The following NSRP1 variants were observed in gnomAD, a reference collection of about 807,000 sequenced individuals.
NSRP1 encodes the protein coiled-coil domain containing 55.
In NSRP1, 24 loss-of-function variants were observed where a neutral mutation model predicts 54.7. The ratio of observed to expected loss-of-function variants is 0.44; its 90% confidence interval spans 0.32 to 0.62. The LOEUF is 0.62. Among genes scored for constraint, NSRP1 ranks in the 20% least tolerant of loss-of-function variants. The probability of loss-of-function intolerance (pLI) is 0.06; values close to 1 mark genes in which losing one functional copy is unlikely to be tolerated. For missense variants in NSRP1, 596 were observed against 651.2 expected (o/e 0.92, Z 0.92); for synonymous variants, 210 against 213.8 (o/e 0.98, Z 0.15).
chr17:30,181,391 CT>C (rs1306034190), intron 6 of NSRP1, among the ~76,000 whole-genome samples: 5 of 130,512 alleles, frequency 3.8e-5, no homozygotes, highest in Non-Finnish European at 6.3e-5. Context: ...GTAGTTTTTT[CT>C]TTTTTCTTTT....
At chr17:30,181,317 T>G (rs1905284136) in intron 6 of NSRP1, among the ~76,000 whole-genome samples, 1 of 152,146 alleles carries the variant, frequency 6.6e-6, no homozygotes, top group South Asian at 2.1e-4. Flanking sequence ...TTTCTGAATT[T>G]TTAAGTGATT....
At chr17:30,182,988 T>C in intron 6 of NSRP1, among the ~76,000 whole-genome samples, 1 of 151,980 alleles carries the variant, frequency 6.6e-6, no homozygotes. Context: ...ATTTAAAGTT[T>C]TGATCACAGC....
chr17:30,165,426 T>G (rs1213662466), intron 2 of NSRP1, among the ~76,000 whole-genome samples: 1 of 152,102 alleles, frequency 6.6e-6, no homozygotes, highest in African/African-American at 2.4e-5. Context: ...TTGGGAGAGG[T>G]TAGGTAAAGG....
chr17:30,174,170 A>C (rs549792002), intron 3 of NSRP1, among the ~76,000 whole-genome samples: 1 of 152,036 alleles, frequency 6.6e-6, no homozygotes, highest in Admixed American at 6.6e-5. Flanking sequence ...TTTTTTCTTC[A>C]CTTAAAGCAT....
chr17:30,150,749 G>T (rs1351175720), intron 2 of NSRP1: 1 of 140,744 alleles, frequency 7.1e-6, no homozygotes, highest in Non-Finnish European at 1.5e-5. Context: ...GTTCAATGGC[G>T]CGATCTCGGT....
At chr17:30,124,767 G>A (rs2071635698) in intron 2 of NSRP1, among the ~76,000 whole-genome samples, 1 of 152,162 alleles carries the variant, frequency 6.6e-6, no homozygotes, top group Admixed American at 6.6e-5. Context: ...AATGGACAAG[G>A]GAGCTGCAGC....
intron 2 of NSRP1, among the ~76,000 whole-genome samples, chr17:30,170,754 A>T (rs1393187689): frequency 6.6e-6 from 1 of 152,138 alleles, no homozygotes; most frequent in Admixed American, 6.5e-5. Context: ...GAGTGAAGCT[A>T]CCTTTACCAG....
At chr17:30,164,249 T>G (rs1314770272) in intron 2 of NSRP1, among the ~76,000 whole-genome samples, 2 of 152,212 alleles carry the variant, frequency 1.3e-5, no homozygotes, top group South Asian at 4.1e-4. Context: ...CATATTAGGC[T>G]GTCAGCATGT....
chr17:30,172,134 A>G (rs576858279), intron 2 of NSRP1, among the ~76,000 whole-genome samples: 9 of 152,248 alleles, frequency 5.9e-5, no homozygotes, highest in African/African-American at 2.2e-4. Context: ...CTGATACCTT[A>G]TAATCTATTC....
chr17:30,180,234 G>A (rs1042142683), intron 5 of NSRP1, among the ~76,000 whole-genome samples: 5 of 152,202 alleles, frequency 3.3e-5, no homozygotes, highest in Non-Finnish European at 7.3e-5. Flanking sequence ...TTGGCTCACT[G>A]CAACCTCTGC....
chr17:30,158,585 T>A (rs1904399849), intron 2 of NSRP1, among the ~76,000 whole-genome samples: 1 of 152,184 alleles, frequency 6.6e-6, no homozygotes, highest in Admixed American at 6.5e-5. Context: ...TCTAGTAGTT[T>A]TATAGTTTGG....
intron 2 of NSRP1, among the ~76,000 whole-genome samples, chr17:30,124,777 C>G (rs1441903067): frequency 1.3e-5 from 2 of 152,156 alleles, no homozygotes; most frequent in Non-Finnish European, 2.9e-5. Context: ...GGAGCTGCAG[C>G]TTATTTCTTA....
chr17:30,177,767 A>C (rs1905175932), intron 3 of NSRP1, among the ~76,000 whole-genome samples: 2 of 152,296 alleles, frequency 1.3e-5, no homozygotes, highest in South Asian at 4.1e-4. Flanking sequence ...CTCTGTTTTA[A>C]GTTTAGTCAT....
intron 2 of NSRP1, among the ~76,000 whole-genome samples, chr17:30,171,932 T>TCACACA (rs1491377647): frequency 5.4e-5 from 5 of 92,156 alleles, no homozygotes; most frequent in African/African-American, 1.7e-4. Context: ...TTTCCCCATT[T>TCACACA]CTCACACACA....
At chr17:30,124,599 A>T (rs2071634227) in intron 2 of NSRP1, among the ~76,000 whole-genome samples, 1 of 152,248 alleles carries the variant, frequency 6.6e-6, no homozygotes, top group South Asian at 2.1e-4. Flanking sequence ...AGCAGTAAGA[A>T]GCAAGTAGTG....
chr17:30,168,465 G>T (rs1189235438), intron 2 of NSRP1, among the ~76,000 whole-genome samples: 1 of 151,388 alleles, frequency 6.6e-6, no homozygotes, highest in Non-Finnish European at 1.5e-5. Context: ...CACAGAATAG[G>T]CCACAATACA....
intron 2 of NSRP1, among the ~76,000 whole-genome samples, chr17:30,167,088 T>C (rs1904758013): frequency 6.6e-6 from 1 of 152,184 alleles, no homozygotes; most frequent in South Asian, 2.1e-4. Flanking sequence ...TCTACCTCCA[T>C]GTGATCAAAG....
At chr17:30,157,632 T>C (rs556195918) in intron 2 of NSRP1, among the ~76,000 whole-genome samples, 40 of 152,266 alleles carry the variant, frequency 2.6e-4, no homozygotes, top group African/African-American at 6.3e-4. Context: ...ATACTTCTTA[T>C]AGTCTTTGTC....
intron 2 of NSRP1, among the ~76,000 whole-genome samples, chr17:30,131,405 A>G (rs751194765): frequency 6.6e-6 from 1 of 152,166 alleles, no homozygotes; most frequent in Non-Finnish European, 1.5e-5. Context: ...TACCTCACTG[A>G]TATTGTGGGT....
Sources: gnomAD v4.1 joint callset for allele counts (sites outside exome capture counted in the v4.1 genomes callset) on GRCh38, gnomAD v4.1.1 for gene constraint, MANE v1.5 for transcripts, NCBI Gene and HGNC (gene_info 2026-07-23, HGNC 2026-07-21) for gene names.